The following VWC2 variants were observed in gnomAD, a reference collection of about 807,000 sequenced individuals.
VWC2 encodes von Willebrand factor C domain containing 2.
VWC2 carries 14 observed loss-of-function variants against 29.8 expected under a neutral mutation model. That is an observed-to-expected ratio of 0.47 (90% CI 0.31 to 0.74). The LOEUF is 0.74. VWC2 is among the 30% of genes least tolerant of loss of function. VWC2 has a pLI of 0.05. For missense variants in VWC2, 457 were observed against 459.8 expected, an observed-to-expected ratio of 0.99 and a Z score of 0.05; for synonymous variants, 213 against 199.0, an observed-to-expected ratio of 1.07 and a Z score of -0.59.
intron 3 of VWC2, among the ~76,000 whole-genome samples, chr7:49,814,386 A>G (rs920723164): frequency 3.3e-5 from 5 of 152,324 alleles, no homozygotes; most frequent in African/African-American, 1.2e-4. Context: ...AGGAGGATGA[A>G]TAGGTAGCAT....
At chr7:49,842,066 C>A (rs1402120160) in intron 3 of VWC2, among the ~76,000 whole-genome samples, 1 of 152,118 alleles carries the variant, frequency 6.6e-6, no homozygotes, top group African/African-American at 2.4e-5. Flanking sequence ...CGAGGTTTCA[C>A]CATGTTGCCC....
intron 2 of VWC2, among the ~76,000 whole-genome samples, chr7:49,781,003 A>G (rs1229541412): frequency 6.6e-6 from 1 of 152,242 alleles, no homozygotes; most frequent in Non-Finnish European, 1.5e-5. Flanking sequence ...AGAGAAAGCT[A>G]CGGTTATTCA....
At chr7:49,788,198 G>A (rs1486648861) in intron 2 of VWC2, among the ~76,000 whole-genome samples, 1 of 152,182 alleles carries the variant, frequency 6.6e-6, no homozygotes, top group Admixed American at 6.5e-5. Flanking sequence ...GTAATTGGCA[G>A]CTGATGTGTT....
intron 2 of VWC2, among the ~76,000 whole-genome samples, chr7:49,796,487 A>G (rs765558819): frequency 1.3e-5 from 2 of 152,200 alleles, no homozygotes; most frequent in African/African-American, 2.4e-5. Flanking sequence ...AGGATTGTGA[A>G]CATAGGCATC....
intron 3 of VWC2, among the ~76,000 whole-genome samples, chr7:49,856,827 G>A (rs1480137333): frequency 1.3e-5 from 2 of 151,842 alleles, no homozygotes; most frequent in African/African-American, 4.8e-5. Context: ...GGCTAACACG[G>A]TGAAACCCCA....
chr7:49,872,963 T>G (rs1222184335), intron 3 of VWC2, among the ~76,000 whole-genome samples: 1 of 134,494 alleles, frequency 7.4e-6, no homozygotes. Context: ...GAATTTGGTA[T>G]CCAAATAAAT....
chr7:49,842,712 A>C (rs1789826863), intron 3 of VWC2, among the ~76,000 whole-genome samples: 1 of 152,230 alleles, frequency 6.6e-6, no homozygotes, highest in Non-Finnish European at 1.5e-5. Context: ...CAAGTCCAAT[A>C]TTAGTGATTT....
At chr7:49,796,444 T>A (rs1449458218) in intron 2 of VWC2, among the ~76,000 whole-genome samples, 2 of 152,178 alleles carry the variant, frequency 1.3e-5, no homozygotes, top group East Asian at 3.9e-4. Flanking sequence ...AGCTCCAGAT[T>A]AGACATGTCA....
intron 3 of VWC2, among the ~76,000 whole-genome samples, chr7:49,830,663 C>G (rs1789504633): frequency 6.6e-6 from 1 of 152,046 alleles, no homozygotes. Context: ...TGCTATCCCT[C>G]CCCCACCCCC....
At chr7:49,902,791 T>C (rs1364198860) in intron 3 of VWC2, among the ~76,000 whole-genome samples, 1 of 152,092 alleles carries the variant, frequency 6.6e-6, no homozygotes, top group African/African-American at 2.4e-5. Flanking sequence ...TTTTGAAATA[T>C]AAATTTTTTC....
chr7:49,809,065 G>A (rs1056948883), intron 3 of VWC2, among the ~76,000 whole-genome samples: 1 of 151,826 alleles, frequency 6.6e-6, no homozygotes, highest in African/African-American at 2.4e-5. Flanking sequence ...GTAAAGCTTA[G>A]GAAAAAGTAA....
At chr7:49,877,850 C>T (rs1791508833) in intron 3 of VWC2, among the ~76,000 whole-genome samples, 1 of 151,988 alleles carries the variant, frequency 6.6e-6, no homozygotes. Context: ...CCCCACCACA[C>T]TGTTAAGCAA....
At chr7:49,896,282 A>C (rs1187755779) in intron 3 of VWC2, among the ~76,000 whole-genome samples, 2 of 152,224 alleles carry the variant, frequency 1.3e-5, no homozygotes. Context: ...TGGAGGTTGC[A>C]GTGAGCTGAG....
In VWC2 at chr7:49,863,225, C is replaced by T. The variant is rs543239640; in HGVS notation, c.827-48809C>T. 4.6e-5 allele frequency among the ~76,000 whole-genome samples: 7 copies of T among 152,162 alleles called. No homozygotes were observed. In the South Asian group the frequency reaches 1.2e-3, roughly 27 times the overall value. ...TGTTTCTAGGAATTTGTCCATTTCA[C>T]GTAGTTTATCTAATTTGTTGGAGTA... is the stretch of plus-strand genomic sequence containing the variant. On this transcript the variant is annotated intron_variant, in intron 3 of 3. Transcript: ENST00000340652.
In VWC2 at chr7:49,882,630, G is replaced by A. The variant is rs895706499; in HGVS notation, c.827-29404G>A. On this transcript the variant is annotated intron_variant, in intron 3 of 3. Transcript: ENST00000340652. ...AGTACAGAAAGGAGGCAGGGAGAGA[G>A]ACAGGGAGAGAGGTAAACACTACGT... Among the ~76,000 whole-genome samples the A allele has an allele frequency of 3.9e-5, 6 of 152,046 alleles. 1 individual carries two copies. Among genetic ancestry groups the A allele is most frequent in the Non-Finnish European group, 7.4e-5 (5 of 67,992 alleles).
intron 3 of VWC2, among the ~76,000 whole-genome samples, chr7:49,908,572 G>T (rs953981597): frequency 6.6e-6 from 1 of 152,066 alleles, no homozygotes. Context: ...GTGTATGTGT[G>T]TTTTTATGTG....
intron 3 of VWC2, among the ~76,000 whole-genome samples, chr7:49,837,957 C>A (rs1789702841): frequency 6.6e-6 from 1 of 152,170 alleles, no homozygotes; most frequent in African/African-American, 2.4e-5. Context: ...GTTCAAAAAT[C>A]TGCCTATAAC....
intron 3 of VWC2, among the ~76,000 whole-genome samples, chr7:49,811,904 G>A (rs1789019334): frequency 6.6e-6 from 1 of 152,086 alleles, no homozygotes; most frequent in African/African-American, 2.4e-5. Flanking sequence ...TATTATTAAT[G>A]GCCAAAGAGT....
chr7:49,809,917 T>A (rs1009945147), intron 3 of VWC2, among the ~76,000 whole-genome samples: 2 of 152,046 alleles, frequency 1.3e-5, no homozygotes, highest in African/African-American at 4.8e-5. Flanking sequence ...CTAAAGCTAT[T>A]ATGAATACTC....
Sources: gnomAD v4.1 joint callset for allele counts (sites outside exome capture counted in the v4.1 genomes callset) on GRCh38, gnomAD v4.1.1 for gene constraint, MANE v1.5 for transcripts, NCBI Gene and HGNC (gene_info 2026-07-23, HGNC 2026-07-21) for gene names.